TBL1XR1: variants seen among roughly 807,000 people sequenced by gnomAD.
The protein encoded by TBL1XR1 is F-box-like/WD repeat-containing protein TBL1XR1.
TBL1XR1 carries 5 observed loss-of-function variants against 66.9 expected under a neutral mutation model. The observed-to-expected ratio is 0.07, with a 90% CI of 0.04 to 0.16. The LOEUF is 0.16. Ranked by LOEUF, TBL1XR1 falls within the 10% of genes least tolerant of loss-of-function variation. The probability of loss-of-function intolerance (pLI) is 1.00; values close to 1 mark genes in which losing one functional copy is unlikely to be tolerated. For synonymous variants in TBL1XR1, 210 were observed against 206.0 expected (o/e 1.02, Z -0.17); for missense variants, 238 against 623.2 (o/e 0.38, Z 6.58).
intron 1 of TBL1XR1, among the ~76,000 whole-genome samples, chr3:177,184,800 C>CA (rs35413456): frequency 7.4e-4 from 100 of 135,970 alleles, no homozygotes; most frequent in Middle Eastern, 3.8e-3. Flanking sequence ...GACTGTGGCT[C>CA]AAAAAAAAAA....
chr3:177,046,336 T>A, intron 9 of TBL1XR1, 147 bp from the exon 10 acceptor site: 1 of 542,854 alleles, frequency 1.8e-6, no homozygotes, highest in Non-Finnish European at 3.1e-6. Flanking sequence ...ACCACAAGGC[T>A]ATATACTTTG....
rs141150569 is a variant in TBL1XR1, at chr3:177,086,636, G to C, written c.-46+11830C>G. On this transcript the variant is annotated intron_variant, in intron 2 of 15. Coordinates refer to ENST00000457928, the MANE Select transcript of TBL1XR1 (RefSeq NM_024665.7). Reference sequence around the variant, plus strand: ...ACAATTTTTTTTTAAGAAAAATAATGGTTTTCTCACCAATGAAACAGATAT... The same window carrying C: ...ACAATTTTTTTTTAAGAAAAATAATCGTTTTCTCACCAATGAAACAGATAT... 4.4e-3 allele frequency among the ~76,000 whole-genome samples: 675 copies of C among 151,820 alleles called. 7 individuals are homozygous for C. The highest frequency in any genetic ancestry group is 0.024 in the Middle Eastern group (7 of 294).
intron 3 of TBL1XR1, among the ~76,000 whole-genome samples, chr3:177,063,842 C>G (rs1392715652): frequency 1.3e-5 from 2 of 152,172 alleles, no homozygotes; most frequent in African/African-American, 4.8e-5. Flanking sequence ...TGTTACACCT[C>G]AGAGAGGGGC....
At chr3:177,182,510 A>T (rs1015228808) in intron 1 of TBL1XR1, among the ~76,000 whole-genome samples, 1 of 152,216 alleles carries the variant, frequency 6.6e-6, no homozygotes, top group African/African-American at 2.4e-5. Context: ...ACAAGAGTCT[A>T]CTGTACTAGC....
rs112772950 is a variant in TBL1XR1 at position 177,155,785 on chromosome 3, G to A, written c.-122+41336C>T. On this transcript the variant is annotated intron_variant, in intron 1 of 15. Transcript: ENST00000457928. ...AATCCGTGCACTCCGGGAAGAGGGC[G>A]GATCCCCTGAGGTCAGGAGTTCGAG... Among the ~76,000 whole-genome samples, 1,168 of 152,192 alleles carry A rather than the reference G, an allele frequency of 7.7e-3. 13 individuals are homozygous for A. The highest frequency in any genetic ancestry group is 0.026 in the African/African-American group (1,100 of 41,540).
chr3:177,079,503 G>T (rs1361938977), intron 2 of TBL1XR1: 1 of 150,806 alleles, frequency 6.6e-6, no homozygotes, highest in Non-Finnish European at 1.5e-5. Flanking sequence ...GGACTTATTT[G>T]TAATTTTTTT....
chr3:177,035,689 T>G (rs763957135), intron 12 of TBL1XR1, among the ~76,000 whole-genome samples: 6 of 152,154 alleles, frequency 3.9e-5, no homozygotes, highest in Non-Finnish European at 5.9e-5. Flanking sequence ...GCTTTAATTA[T>G]AGGCATGAGC....
chr3:177,107,322 GA>G (rs536795720), intron 1 of TBL1XR1, among the ~76,000 whole-genome samples: 1 of 152,112 alleles, frequency 6.6e-6, no homozygotes, highest in Non-Finnish European at 1.5e-5. Context: ...AGATTCACGT[GA>G]AAAAAAGTTT....
At chr3:177,089,825 G>A (rs1427958849) in intron 2 of TBL1XR1, among the ~76,000 whole-genome samples, 1 of 152,138 alleles carries the variant, frequency 6.6e-6, no homozygotes, top group Non-Finnish European at 1.5e-5. Flanking sequence ...CAAAGAAAAA[G>A]ATATGCAAAC....
chr3:177,182,752 T>C (rs1051229038), intron 1 of TBL1XR1, among the ~76,000 whole-genome samples: 1 of 152,210 alleles, frequency 6.6e-6, no homozygotes, highest in African/African-American at 2.4e-5. Flanking sequence ...AATTTAAGAC[T>C]GTCACGGAAA....
At chr3:177,076,751 T>G (rs905451411) in intron 2 of TBL1XR1, among the ~76,000 whole-genome samples, 4 of 152,238 alleles carry the variant, frequency 2.6e-5, no homozygotes, top group Admixed American at 6.5e-5. Context: ...TAATGGTAAC[T>G]ATGATGGCAT....
Position 177,046,810 on chromosome 3 carries a change from T to G in TBL1XR1, c.864+490A>C, listed in dbSNP as rs142491779. The stretch of plus-strand genomic sequence containing the variant: ...ACCACACTCAATTATTAGCATGCCC[T>G]TTCCTGGATTAAGATAATCTTAAAC... On this transcript the variant is annotated intron_variant, in intron 9 of 15. Transcript: ENST00000457928. Among the ~76,000 whole-genome samples the G allele has an allele frequency of 8.5e-5, 13 of 152,304 alleles. No individual in the cohort carries two copies. In the East Asian group the frequency reaches 2.5e-3, roughly 29 times the overall value.
chr3:177,162,521 A>G (rs185928871), intron 1 of TBL1XR1, among the ~76,000 whole-genome samples: 61 of 152,360 alleles, frequency 4.0e-4, no homozygotes, highest in Non-Finnish European at 8.4e-4. Context: ...GAGAGAAGGA[A>G]AAACAAAATG....
At chr3:177,154,660 G>A (rs1016987733) in intron 1 of TBL1XR1, among the ~76,000 whole-genome samples, 1 of 152,086 alleles carries the variant, frequency 6.6e-6, no homozygotes, top group Non-Finnish European at 1.5e-5. Flanking sequence ...CTCCCGGAGT[G>A]CTAAGATTAC....
intron 1 of TBL1XR1, among the ~76,000 whole-genome samples, chr3:177,148,584 G>A (rs770364569): frequency 9.9e-5 from 15 of 151,952 alleles, no homozygotes; most frequent in African/African-American, 2.9e-4. Context: ...GCATGGTGCC[G>A]CATGCCTGTA....
chr3:177,167,725 G>A (rs757863425), intron 1 of TBL1XR1, among the ~76,000 whole-genome samples: 7 of 152,170 alleles, frequency 4.6e-5, no homozygotes, highest in Non-Finnish European at 4.4e-5. Flanking sequence ...AAGGTTGGGA[G>A]TTCGAGACCA....
chr3:177,026,257 A>C, intron 15 of TBL1XR1, 116 bp downstream of exon 15: 1 of 796,166 alleles, frequency 1.3e-6, no homozygotes, highest in Non-Finnish European at 2.0e-6. Flanking sequence ...AAAAAAAATC[A>C]GTATCATACC....
chr3:177,164,897 G>T (rs1732643162), intron 1 of TBL1XR1, among the ~76,000 whole-genome samples: 1 of 151,886 alleles, frequency 6.6e-6, no homozygotes, highest in African/African-American at 2.4e-5. Flanking sequence ...AGCATTGTAG[G>T]AAAAATTGTA....
At chr3:177,075,320 A>C (rs963352063) in intron 2 of TBL1XR1, among the ~76,000 whole-genome samples, 6 of 152,184 alleles carry the variant, frequency 3.9e-5, no homozygotes, top group Non-Finnish European at 8.8e-5. Flanking sequence ...TCTGTGTCCA[A>C]ATTTCCCTCT....
Sources: gnomAD v4.1 joint callset for allele counts (sites outside exome capture counted in the v4.1 genomes callset) on GRCh38, gnomAD v4.1.1 for gene constraint, MANE v1.5 for transcripts, NCBI Gene and HGNC (gene_info 2026-07-23, HGNC 2026-07-21) for gene names.